EBF2: variants seen among roughly 807,000 people sequenced by gnomAD.
The protein encoded by EBF2 is transcription factor COE2.
A neutral mutation model predicts 72.8 loss-of-function variants in EBF2; 21 were observed. The observed-to-expected ratio is 0.29, with a 90% CI of 0.20 to 0.42. The LOEUF (loss-of-function observed/expected upper bound fraction) is 0.42, where lower values mean the gene tolerates loss of function less well. Ranked by LOEUF, EBF2 falls within the 10% of genes least tolerant of loss-of-function variation. The pLI is 1.00. For synonymous variants in EBF2, 299 were observed against 274.2 expected (o/e 1.09, Z -0.89); for missense variants, 637 against 731.2 (o/e 0.87, Z 1.49).
intron 6 of EBF2, among the ~76,000 whole-genome samples, chr8:25,962,117 C>T (rs371635336): frequency 6.6e-6 from 1 of 152,210 alleles, no homozygotes; most frequent in African/African-American, 2.4e-5. Context: ...ACACGTCTTA[C>T]TTGTTTTCTT....
At chr8:26,029,180 C>A (rs907754014) in intron 6 of EBF2, among the ~76,000 whole-genome samples, 1 of 152,076 alleles carries the variant, frequency 6.6e-6, no homozygotes, top group Non-Finnish European at 1.5e-5. Flanking sequence ...GTAGTGAAAG[C>A]GATTTTTCGT....
intron 6 of EBF2, among the ~76,000 whole-genome samples, chr8:25,977,996 G>A (rs952272360): frequency 6.6e-6 from 1 of 151,850 alleles, no homozygotes; most frequent in African/African-American, 2.4e-5. Flanking sequence ...ACCCTATCCC[G>A]TTGTCACTTT....
intron 6 of EBF2, among the ~76,000 whole-genome samples, chr8:25,993,927 T>C (rs1027202330): frequency 4.6e-5 from 7 of 152,294 alleles, no homozygotes; most frequent in South Asian, 2.1e-4. Context: ...TAGAAAAGGA[T>C]ATGGCCTAAG....
chr8:26,021,841 G>T (rs996501233), intron 6 of EBF2, among the ~76,000 whole-genome samples: 2 of 152,152 alleles, frequency 1.3e-5, no homozygotes, highest in Non-Finnish European at 2.9e-5. Flanking sequence ...AAGCAAACCC[G>T]TGCTGATGCC....
chr8:25,955,608 A>G (rs750419703), intron 6 of EBF2, among the ~76,000 whole-genome samples: 2 of 152,228 alleles, frequency 1.3e-5, no homozygotes, highest in African/African-American at 4.8e-5. Flanking sequence ...ATACTTTTAT[A>G]TAGCTTATTG....
At chr8:25,953,209 G>A (rs927239220) in intron 6 of EBF2, among the ~76,000 whole-genome samples, 30 of 152,136 alleles carry the variant, frequency 2.0e-4, no homozygotes, top group African/African-American at 6.8e-4. Context: ...GTAATGCCTC[G>A]TTTACTTAGC....
chr8:25,969,021 T>A (rs963727483), intron 6 of EBF2, among the ~76,000 whole-genome samples: 5 of 151,900 alleles, frequency 3.3e-5, no homozygotes, highest in Non-Finnish European at 7.4e-5. Context: ...TAAAAAAAAA[T>A]TTTGATTGAA....
rs1237909601 is a variant in EBF2, at chr8:26,044,715, G to T, written c.131+14C>A. ...GCGAGAGACAGCATAATAATTGCGC[G>T]GCCGTGTCGTTACCTCTGCGCGGCG... On this transcript the variant is annotated intron_variant, in intron 1 of 15. Coordinates refer to ENST00000520164, the MANE Select transcript of EBF2 (RefSeq NM_022659.4). This position sits in a 1 kb window ranked among gnomAD's most constrained non-coding sequence, Gnocchi z 4.1. The T allele has an allele frequency of 6.2e-7, 1 of 1,612,848 alleles. No individual in the cohort carries two copies. The highest frequency in any genetic ancestry group is 8.5e-7 in the Non-Finnish European group (1 of 1,179,164).
At chr8:26,005,997 G>T (rs1003038598) in intron 6 of EBF2, among the ~76,000 whole-genome samples, 1 of 151,864 alleles carries the variant, frequency 6.6e-6, no homozygotes, top group Non-Finnish European at 1.5e-5. Flanking sequence ...CCTCCCCAGC[G>T]CAAGAAAAAA....
intron 6 of EBF2, among the ~76,000 whole-genome samples, chr8:26,015,559 G>A (rs192420210): frequency 1.1e-4 from 17 of 152,262 alleles, no homozygotes; most frequent in East Asian, 5.8e-4. Flanking sequence ...AAGAACATTC[G>A]GATAGGGCGA....
In EBF2 at chr8:26,006,448, G is replaced by A. The variant is rs533972897; in HGVS notation, c.551+26637C>T. On this transcript the variant is annotated intron_variant, in intron 6 of 15. Coordinates refer to ENST00000520164, the MANE Select transcript of EBF2 (RefSeq NM_022659.4). Reference sequence around the variant, plus strand: ...ATTTGCTTAGTCATTCTTCTCTTACGAAATAGATTGCTCAGGTCTTTGCTA... The same window carrying A: ...ATTTGCTTAGTCATTCTTCTCTTACAAAATAGATTGCTCAGGTCTTTGCTA... Among the ~76,000 whole-genome samples the A allele has an allele frequency of 8.5e-5, 13 of 152,204 alleles. No individual in the cohort carries two copies. The South Asian group carries it at 1.7e-3, about 19-fold the overall frequency.
chr8:25,866,529 ATATAATATATAT>A, intron 10 of EBF2, among the ~76,000 whole-genome samples: 1 of 143,736 alleles, frequency 7.0e-6, no homozygotes, highest in African/African-American at 2.5e-5. Flanking sequence ...ATATAAAAAT[ATATAATATATAT>A]TATATGTAAT....
intron 13 of EBF2, 33 bp from the exon 14 acceptor site, chr8:25,858,537 A>T (rs1376285717): frequency 6.3e-7 from 1 of 1,594,360 alleles, no homozygotes; most frequent in Admixed American, 1.7e-5. Flanking sequence ...AGGTAAATCA[A>T]CAGGCGTGCA....
At chr8:25,887,107 G>A (rs1366331533) in intron 9 of EBF2, among the ~76,000 whole-genome samples, 2 of 134,164 alleles carry the variant, frequency 1.5e-5, no homozygotes, top group Non-Finnish European at 3.3e-5. Context: ...CTCTCTGTGT[G>A]TATGTCTCTG....
intron 6 of EBF2, among the ~76,000 whole-genome samples, chr8:25,940,035 C>A (rs1218856629): frequency 6.6e-6 from 1 of 152,176 alleles, no homozygotes; most frequent in African/African-American, 2.4e-5. Context: ...GATATCTAAG[C>A]CCCTTCCAAT....
chr8:25,857,030 T>A (rs574970453), intron 14 of EBF2, among the ~76,000 whole-genome samples: 2 of 152,312 alleles, frequency 1.3e-5, no homozygotes, highest in South Asian at 4.1e-4. Context: ...CCCAAACACT[T>A]TTTGGAACAA....
At position 25,904,404 on chromosome 8, in the gene EBF2, G is replaced by A. The variant is rs1340422184; in HGVS notation, c.633+4070C>T. Among the ~76,000 whole-genome samples the A allele has an allele frequency of 2.0e-5, 3 of 151,626 alleles. No homozygotes were observed. The East Asian group carries it at 5.8e-4, about 29-fold the overall frequency. ...ATTTTGGTCTGATTGGATGATTTTT[G>A]TAAAAAGAATCCAGGTTCCACCAGT... On this transcript the variant is annotated intron_variant, in intron 7 of 15. Coordinates refer to ENST00000520164, the MANE Select transcript of EBF2 (RefSeq NM_022659.4).
At chr8:25,897,094 C>G (rs757910270) in intron 7 of EBF2, among the ~76,000 whole-genome samples, 1 of 152,120 alleles carries the variant, frequency 6.6e-6, no homozygotes, top group Non-Finnish European at 1.5e-5. Flanking sequence ...AATCAAGTCC[C>G]AGACAGGAGA....
intron 7 of EBF2, among the ~76,000 whole-genome samples, chr8:25,893,271 ATTTTTTTTTTT>A (rs201829098): frequency 0.014 from 1,592 of 111,424 alleles, 42 homozygotes; most frequent in East Asian, 0.083. Flanking sequence ...TAATTCTTCC[ATTTTTTTTTTT>A]TTTTTTTTTT....
Sources: allele counts gnomAD v4.1 joint callset (sites outside exome capture counted in the v4.1 genomes callset), GRCh38; gene constraint gnomAD v4.1.1; non-coding constraint Gnocchi (gnomAD v3.1); transcripts MANE v1.5; gene names NCBI Gene and HGNC (gene_info 2026-07-23, HGNC 2026-07-21).